Variants in FASTKD2 observed in about 807,000 individuals in gnomAD.
The protein encoded by FASTKD2 is FAST kinase domain-containing protein 2, mitochondrial.
Under a neutral mutation model 63.6 loss-of-function variants are expected in FASTKD2, and 51 were observed. The ratio of observed to expected loss-of-function variants is 0.80; its 90% CI spans 0.64 to 1.01. The LOEUF (loss-of-function observed/expected upper bound fraction) is 1.01, where lower values mean the gene tolerates loss of function less well. FASTKD2 is among the 50% of genes least tolerant of loss of function. The probability of loss-of-function intolerance (pLI) is 0.00; values close to 1 mark genes in which losing one functional copy is unlikely to be tolerated. For missense variants in FASTKD2, 786 were observed against 831.1 expected (o/e 0.95, Z 0.67); for synonymous variants, 284 against 293.4 (o/e 0.97, Z 0.33).
intron 7 of FASTKD2, among the ~76,000 whole-genome samples, chr2:206,783,968 G>A (rs1046019119): frequency 3.3e-5 from 5 of 152,122 alleles, no homozygotes; most frequent in African/African-American, 9.7e-5. Flanking sequence ...GCAGAAGATA[G>A]CCCCTCACAA....
At position 206,765,650 on chromosome 2, in the gene FASTKD2, C is replaced by T. The variant is rs1259921639; in HGVS notation, c.-148C>T. The T allele has an allele frequency of 3.7e-6, 2 of 541,034 alleles. No homozygotes were observed. The highest frequency in any genetic ancestry group is 4.8e-6 in the Non-Finnish European group (2 of 415,952). 33.5% of individuals were successfully genotyped at this position (541,034 alleles called of 1,614,324 possible). A position where few individuals can be genotyped will look rare whatever the true frequency, so the allele number is the denominator to read the frequency against. On this transcript the variant is annotated 5_prime_UTR_variant, in exon 1 of 12. Coordinates refer to ENST00000402774, the MANE Select transcript of FASTKD2 (RefSeq NM_001136193.2). ...CTGTACGTAGTCACGGTCTTGTGCT[C>T]TAAGGTGAGTGGAGGACGAGCTTGG...
chr2:206,778,290 A>C lies in FASTKD2; in HGVS notation c.1427+3893A>C, dbSNP rs142139199. Among the ~76,000 whole-genome samples the C allele has an allele frequency of 4.0e-5, 6 of 151,034 alleles. No individual in the cohort carries two copies. In the East Asian group the frequency reaches 1.2e-3, roughly 30 times the overall value. On this transcript the variant is annotated intron_variant, in intron 7 of 11. Transcript: ENST00000402774. ...TTTAAGATAGGTGTTTATTGCTATAAGTTTTCTTGTTAGTACTGCTTTTTC... is the reference window on the plus strand; with the variant it reads ...TTTAAGATAGGTGTTTATTGCTATACGTTTTCTTGTTAGTACTGCTTTTTC...
intron 7 of FASTKD2, among the ~76,000 whole-genome samples, chr2:206,784,347 A>T (rs1279784281): frequency 1.3e-5 from 2 of 152,232 alleles, no homozygotes; most frequent in South Asian, 4.1e-4. Context: ...AGAATAACTC[A>T]AAGTATTTGG....
chr2:206,767,352 T>A lies in FASTKD2; in HGVS notation c.659T>A (p.Met220Lys). 3 of 1,614,092 alleles carry A rather than the reference T, an allele frequency of 1.9e-6. No homozygotes were observed. The highest frequency in any genetic ancestry group is 2.5e-6 in the Non-Finnish European group (3 of 1,180,014). The change falls in exon 2 of 12, where the codon ATG becomes AAG. Residue 220 changes from methionine (M) to lysine (K), a missense_variant. Coordinates refer to ENST00000402774, the MANE Select transcript of FASTKD2 (RefSeq NM_001136193.2). ...GCATTTAATCAGCTCTGTGAACATATGATGAGAGAAGCCAAGATCATGCAG... is the reference window on the plus strand; with the variant it reads ...GCATTTAATCAGCTCTGTGAACATAAGATGAGAGAAGCCAAGATCATGCAG... ...HPAFNQLCEH[M>K]MREAKIMQYK...
At chr2:206,781,900 T>G (rs528457281) in intron 7 of FASTKD2, among the ~76,000 whole-genome samples, 5 of 152,178 alleles carry the variant, frequency 3.3e-5, no homozygotes, top group African/African-American at 1.2e-4. Flanking sequence ...TGAGGTGAGA[T>G]AGAAACCAGC....
chr2:206,785,539 G>C (rs907325551), intron 7 of FASTKD2, among the ~76,000 whole-genome samples: 1 of 152,098 alleles, frequency 6.6e-6, no homozygotes, highest in Non-Finnish European at 1.5e-5. Context: ...ACACAGTTTG[G>C]GCTGCTGAAG....
chr2:206,791,417 T>G, intron 11 of FASTKD2: 1 of 430,118 alleles, frequency 2.3e-6, no homozygotes. Context: ...TTGCTGATTA[T>G]ATATATTCTA....
chr2:206,784,979 G>A (rs909530083), intron 7 of FASTKD2, among the ~76,000 whole-genome samples: 18 of 152,192 alleles, frequency 1.2e-4, no homozygotes, highest in African/African-American at 1.2e-4. Flanking sequence ...AGACATACCC[G>A]AGACTGGGCA....
Position 206,788,804 on chromosome 2 carries a change from A to G in FASTKD2, c.1814-15A>G, listed in dbSNP as rs1389219170. The G allele has an allele frequency of 7.5e-7, 1 of 1,340,074 alleles. No homozygotes were observed. Among genetic ancestry groups the G allele is most frequent in the Non-Finnish European group, 1.1e-6 (1 of 932,078 alleles). The allele number at this position is 1,340,074 out of a possible 1,614,324, so 83.0% of individuals were successfully genotyped here. A position where few individuals can be genotyped will look rare whatever the true frequency, so the allele number is the denominator to read the frequency against. On this transcript the variant is annotated splice_polypyrimidine_tract_variant and intron_variant, in intron 9 of 11. Transcript: ENST00000402774. ...AGGAATGTTTGAAAAATTAATATCA[A>G]TTCTTTCCTTTCAGATTTTGAAATC...
intron 7 of FASTKD2, among the ~76,000 whole-genome samples, chr2:206,782,385 C>T (rs1691716592): frequency 6.6e-6 from 1 of 152,174 alleles, no homozygotes; most frequent in Non-Finnish European, 1.5e-5. Flanking sequence ...GTCTATATGT[C>T]CTTGCTAAAT....
At position 206,792,241 on chromosome 2, in the gene FASTKD2, T is replaced by C. The variant is rs1690304980; in HGVS notation, c.*439T>C. The C allele has an allele frequency of 5.2e-6, 1 of 193,706 alleles. No individual in the cohort carries two copies. Among genetic ancestry groups the C allele is most frequent in the Admixed American group, 5.4e-5 (1 of 18,646 alleles). The allele number at this position is 193,706 out of a possible 1,614,324, so 12.0% of individuals were successfully genotyped here. On this transcript the variant is annotated 3_prime_UTR_variant, in exon 12 of 12. Coordinates refer to ENST00000402774, the MANE Select transcript of FASTKD2 (RefSeq NM_001136193.2). ...TTTTCAAGCATTGGCCAAATAATAA[T>C]TGGACAAAGTTCTAAAGTTGTCAAG...
chr2:206,785,058 A>C (rs1690101611), intron 7 of FASTKD2, among the ~76,000 whole-genome samples: 1 of 152,208 alleles, frequency 6.6e-6, no homozygotes, highest in South Asian at 2.1e-4. Flanking sequence ...CAATCATGGC[A>C]GAAGATGAAA....
In FASTKD2 at chr2:206,770,405, T is replaced by C. The variant is rs547138223; in HGVS notation, c.881+211T>C. On this transcript the variant is annotated intron_variant, in intron 3 of 11. Coordinates refer to ENST00000402774, the MANE Select transcript of FASTKD2 (RefSeq NM_001136193.2). ...GAAATACTTCTCTTAGGGTCCATAA[T>C]AACAAAGATGTGAGTAACATTGAAA... 2.0e-5 allele frequency among the ~76,000 whole-genome samples: 3 copies of C among 152,276 alleles called. No individual in the cohort carries two copies. In the East Asian group the frequency reaches 5.8e-4, roughly 29 times the overall value.
At chr2:206,773,994 G>A (rs142306972) in intron 6 of FASTKD2, among the ~76,000 whole-genome samples, 495 of 152,170 alleles carry the variant, frequency 3.3e-3, no homozygotes, top group South Asian at 8.3e-3. Context: ...GTATGCCCTG[G>A]TTCTCAGCTT....
At position 206,792,040 on chromosome 2, in the gene FASTKD2, T is replaced by C. The variant is rs577093117; in HGVS notation, c.*238T>C. 48 of 508,526 alleles carry C rather than the reference T, an allele frequency of 9.4e-5. No individual in the cohort carries two copies. The highest frequency in any genetic ancestry group is 8.1e-4 in the African/African-American group (42 of 51,826). The allele number at this position is 508,526 out of a possible 1,614,324, so 31.5% of individuals were successfully genotyped here. On this transcript the variant is annotated 3_prime_UTR_variant, in exon 12 of 12. Transcript: ENST00000402774. ...ACCTATTCCCTCTAGTGCCCAGATA[T>C]TTGATTTGTGAGCTGTACGTTTCAC...
At position 206,765,659 on chromosome 2, in the gene FASTKD2, G is replaced by A. The variant is rs937351964; in HGVS notation, c.-139G>A. ...GTCACGGTCTTGTGCTCTAAGGTGA[G>A]TGGAGGACGAGCTTGGGCTTAGCGG... On this transcript the variant is annotated 5_prime_UTR_variant, in exon 1 of 12. It adds an upstream start codon to the 5' untranslated region. Transcript: ENST00000402774. 2.3e-6 allele frequency: 1 copy of A among 436,048 alleles called. No individual in the cohort carries two copies. The highest frequency in any genetic ancestry group is 2.1e-5 in the African/African-American group (1 of 47,170). 27.0% of individuals were successfully genotyped at this position (436,048 alleles called of 1,614,324 possible). A position where few individuals can be genotyped will look rare whatever the true frequency, so the allele number is the denominator to read the frequency against.
intron 2 of FASTKD2, among the ~76,000 whole-genome samples, chr2:206,768,004 G>A (rs987218666): frequency 4.6e-5 from 7 of 152,230 alleles, no homozygotes; most frequent in African/African-American, 1.2e-4. Flanking sequence ...GTTTGAGTGG[G>A]TGGGAACAAG....
In FASTKD2 at chr2:206,793,220, C is replaced by CAAAAAAAA. The variant is rs58656956; in HGVS notation, c.*1442_*1449dup. 1.1e-3 allele frequency among the ~76,000 whole-genome samples: 73 copies of CAAAAAAAA among 65,814 alleles called. 3 individuals carry two copies. Among genetic ancestry groups the CAAAAAAAA allele is most frequent in the East Asian group, 9.5e-3 (11 of 1,162 alleles). The allele number at this position is 65,814 out of a possible 152,430, so 43.2% of individuals were successfully genotyped here. Reference sequence around the variant, plus strand: ...CTGACCACAGAGCGAGACTCTGTCTCAAAAAAAAAAAAAAAAAAAAAAAAA... The same window carrying CAAAAAAAA: ...CTGACCACAGAGCGAGACTCTGTCTCAAAAAAAAAAAAAAAAAAAAAAAAAAAAAAAAA... On this transcript the variant is annotated 3_prime_UTR_variant, in exon 12 of 12. Transcript: ENST00000402774.
rs1690351533 is a variant in FASTKD2, at chr2:206,793,388, A to C, written c.*1586A>C. Among the ~76,000 whole-genome samples, 1 of 152,190 alleles carries C rather than the reference A, an allele frequency of 6.6e-6. No homozygotes were observed. The highest frequency in any genetic ancestry group is 3.2e-3 in the Middle Eastern group (1 of 316). ...TTCCCTCATTTTATGGACGAGGAAG[A>C]TAAGGCTCAAAGAATTTTCCTTTCC... is the stretch of plus-strand genomic sequence containing the variant. On this transcript the variant is annotated 3_prime_UTR_variant, in exon 12 of 12. Transcript: ENST00000402774.
Sources: allele counts gnomAD v4.1 joint callset (sites outside exome capture counted in the v4.1 genomes callset), GRCh38; gene constraint gnomAD v4.1.1; transcripts MANE v1.5; gene names NCBI Gene and HGNC (gene_info 2026-07-23, HGNC 2026-07-21).